Variants in RHBDL2 observed in about 807,000 individuals in gnomAD.
The protein encoded by RHBDL2 is rhomboid like 2, also known as rhomboid-related protein 2.
In RHBDL2, 26 loss-of-function variants were observed where a neutral mutation model predicts 31.7. That is an observed-to-expected ratio of 0.82 (90% CI 0.60 to 1.14). The LOEUF is 1.14. Ranked by LOEUF, RHBDL2 falls within the 50% of genes most tolerant of loss-of-function variation. The pLI is 0.00. For missense variants in RHBDL2, 336 were observed against 364.4 expected, an observed-to-expected ratio of 0.92 and a Z score of 0.63; for synonymous variants, 123 against 127.2, an observed-to-expected ratio of 0.97 and a Z score of 0.22.
Position 38,894,893 on chromosome 1 carries a change from G to A in RHBDL2, c.609+1076C>T, listed in dbSNP as rs185763778. ...AGCTAATTTTTGTATTTTTAGTAGA[G>A]ACGGGGTTTCACCATATTGGCCTGG... is the stretch of plus-strand genomic sequence containing the variant. On this transcript the variant is annotated intron_variant, in intron 5 of 7. Transcript: ENST00000372990. 9.3e-3 allele frequency among the ~76,000 whole-genome samples: 1,418 copies of A among 151,850 alleles called. 37 individuals carry two copies. Among genetic ancestry groups the A allele is most frequent in the African/African-American group, 0.032 (1,345 of 41,408 alleles).
chr1:38,926,112 A>G, intron 1 of RHBDL2: 1 of 1,183,068 alleles, frequency 8.5e-7, no homozygotes, highest in Non-Finnish European at 1.1e-6. Flanking sequence ...CATGCCCAAT[A>G]TTCACTTTTG....
intron 3 of RHBDL2, among the ~76,000 whole-genome samples, chr1:38,915,004 G>T (rs1643212634): frequency 6.6e-6 from 1 of 150,814 alleles, no homozygotes; most frequent in African/African-American, 2.4e-5. Context: ...ACTCTAGCCT[G>T]GTGACAAGAG....
chr1:38,906,112 A>G (rs1422458516), intron 4 of RHBDL2, among the ~76,000 whole-genome samples: 1 of 152,098 alleles, frequency 6.6e-6, no homozygotes, highest in Non-Finnish European at 1.5e-5. Context: ...TTTTGTGGCG[A>G]AATACTCATT....
chr1:38,927,153 C>T (rs1046165587), intron 1 of RHBDL2, among the ~76,000 whole-genome samples: 4 of 152,106 alleles, frequency 2.6e-5, no homozygotes, highest in African/African-American at 9.7e-5. Flanking sequence ...CCGGGCAGGG[C>T]GCGGTGGCTC....
chr1:38,887,248 C>A (rs1187639599), intron 7 of RHBDL2, among the ~76,000 whole-genome samples: 2 of 152,152 alleles, frequency 1.3e-5, no homozygotes, highest in Non-Finnish European at 2.9e-5. Flanking sequence ...GGGGTCTCAA[C>A]TCTGTCGCCC....
Position 38,938,973 on chromosome 1 carries a change from A to T in RHBDL2, c.-126+2709T>A, listed in dbSNP as rs138171819. On this transcript the variant is annotated intron_variant, in intron 1 of 7. Transcript: ENST00000372990. The stretch of plus-strand genomic sequence containing the variant: ...TTTACTCACAAAGAATTCATTGAAA[A>T]TTTTTGTATCAGGAATGAATGAGGT... Among the ~76,000 whole-genome samples, 479 of 152,316 alleles carry T rather than the reference A, an allele frequency of 3.1e-3. 2 individuals are homozygous for T. The highest frequency in any genetic ancestry group is 0.011 in the African/African-American group (447 of 41,568).
intron 6 of RHBDL2, among the ~76,000 whole-genome samples, chr1:38,891,612 T>G (rs906196524): frequency 6.6e-6 from 1 of 152,226 alleles, no homozygotes; most frequent in Admixed American, 6.5e-5. Context: ...TCCCTTCTCT[T>G]AGGTTTTGAA....
At chr1:38,896,305 C>T (rs1358891429) in intron 4 of RHBDL2, among the ~76,000 whole-genome samples, 5 of 152,182 alleles carry the variant, frequency 3.3e-5, no homozygotes, top group African/African-American at 7.2e-5. Context: ...ATGGCAGAAT[C>T]GTCTGGAGCC....
intron 1 of RHBDL2, among the ~76,000 whole-genome samples, chr1:38,920,589 T>A (rs1643299402): frequency 2.0e-5 from 3 of 150,702 alleles, no homozygotes; most frequent in African/African-American, 7.3e-5. Context: ...ATTGTGAACA[T>A]CCCTGTACAA....
At chr1:38,911,645 T>TGTGCGC (rs1409917902) in intron 3 of RHBDL2, among the ~76,000 whole-genome samples, 12 of 64,006 alleles carry the variant, frequency 1.9e-4, no homozygotes, top group Non-Finnish European at 4.3e-5. Context: ...TGTGTGTGTG[T>TGTGCGC]GCGCGCGCGC....
chr1:38,920,028 C>T (rs1217064514), intron 1 of RHBDL2, among the ~76,000 whole-genome samples: 4 of 152,196 alleles, frequency 2.6e-5, no homozygotes, highest in Non-Finnish European at 5.9e-5. Context: ...CCTCTTACCA[C>T]AGTCCCTGGC....
At chr1:38,906,917 C>T (rs12097781) in intron 4 of RHBDL2, among the ~76,000 whole-genome samples, 3,070 of 152,082 alleles carry the variant, frequency 0.02, 95 homozygotes, top group African/African-American at 0.07. Context: ...ATTATTCTAA[C>T]GCTTATATGG....
At position 38,927,426 on chromosome 1, in the gene RHBDL2, C is replaced by A. The variant is rs372797372; in HGVS notation, c.-125-8089G>T. ...TGGGCGACAGAGCCAGACTCCATCT[C>A]AAAAAAAAAGAAAAGAAAAGAGCCT... On this transcript the variant is annotated intron_variant, in intron 1 of 7. Coordinates refer to ENST00000372990, the MANE Select transcript of RHBDL2 (RefSeq NM_017821.5). Among the ~76,000 whole-genome samples, 58 of 150,580 alleles carry A rather than the reference C, an allele frequency of 3.9e-4. 3 individuals carry two copies. In the East Asian group the frequency reaches 9.0e-3, roughly 23 times the overall value.
chr1:38,915,074 C>G (rs1643213683), intron 3 of RHBDL2, among the ~76,000 whole-genome samples: 1 of 151,436 alleles, frequency 6.6e-6, no homozygotes, highest in Non-Finnish European at 1.5e-5. Context: ...AGAGTTAGCA[C>G]TAGTGGGCTG....
intron 6 of RHBDL2, among the ~76,000 whole-genome samples, chr1:38,888,324 T>C (rs1642811932): frequency 6.6e-6 from 1 of 150,972 alleles, no homozygotes; most frequent in African/African-American, 2.4e-5. Flanking sequence ...CAGCCCTGAC[T>C]CATGGAGCTG....
At position 38,886,136 on chromosome 1, in the gene RHBDL2, T is replaced by G. The variant is rs538595215; in HGVS notation, c.*368A>C. The stretch of plus-strand genomic sequence containing the variant: ...CGGCTAATTTTTGTATTTTCTTTAG[T>G]AGAGACAGGGTTTCACCATATTGGT... On this transcript the variant is annotated 3_prime_UTR_variant, in exon 8 of 8. Coordinates refer to ENST00000372990, the MANE Select transcript of RHBDL2 (RefSeq NM_017821.5). 1 of 153,570 alleles carries G rather than the reference T, an allele frequency of 6.5e-6. No homozygotes were observed. Among genetic ancestry groups the G allele is most frequent in the South Asian group, 2.1e-4 (1 of 4,852 alleles). The allele number at this position is 153,570 out of a possible 1,614,324, so 9.5% of individuals were successfully genotyped here. A position where few individuals can be genotyped will look rare whatever the true frequency, so the allele number is the denominator to read the frequency against.
chr1:38,926,200 GA>G (rs756885248), intron 1 of RHBDL2: 138 of 1,093,308 alleles, frequency 1.3e-4, no homozygotes, highest in Non-Finnish European at 1.5e-4. Flanking sequence ...GGTGAGGATG[GA>G]AAAAATTCTT....
At chr1:38,892,928 G>A (rs12037982) in intron 6 of RHBDL2, among the ~76,000 whole-genome samples, 54,577 of 152,030 alleles carry the variant, frequency 0.36, 10,962 homozygotes, top group Non-Finnish European at 0.45. Flanking sequence ...TCACCAACCA[G>A]CTCCCAAAGG....
intron 7 of RHBDL2, among the ~76,000 whole-genome samples, chr1:38,887,465 C>T (rs1302059461): frequency 6.6e-6 from 1 of 152,002 alleles, no homozygotes; most frequent in Admixed American, 6.6e-5. Context: ...CACTCTGTCA[C>T]CCAGGCTGGA....
Sources: allele counts gnomAD v4.1 joint callset (sites outside exome capture counted in the v4.1 genomes callset), GRCh38; gene constraint gnomAD v4.1.1; transcripts MANE v1.5; gene names NCBI Gene and HGNC (gene_info 2026-07-23, HGNC 2026-07-21).